LRFN5: variants seen among roughly 807,000 people sequenced by gnomAD.
LRFN5 encodes leucine-rich repeat and fibronectin type-III domain-containing protein 5.
A neutral mutation model predicts 45.6 loss-of-function variants in LRFN5; 24 were observed. That is an observed-to-expected ratio of 0.53 (90% CI 0.38 to 0.74). The LOEUF (loss-of-function observed/expected upper bound fraction) is 0.74. LRFN5 is among the 30% of genes least tolerant of loss of function. The pLI, the probability that LRFN5 is intolerant of heterozygous loss-of-function variation, is 0.00. For missense variants in LRFN5, 776 were observed against 861.5 expected (o/e 0.90, Z 1.24); for synonymous variants, 340 against 313.8 (o/e 1.08, Z -0.88).
chr14:41,903,410 G>A (rs74950781), intron 5 of LRFN5, among the ~76,000 whole-genome samples: 1 of 151,128 alleles, frequency 6.6e-6, no homozygotes, highest in African/African-American at 2.4e-5. Flanking sequence ...AAAATTACTT[G>A]TACTCATGTA....
intron 1 of LRFN5, among the ~76,000 whole-genome samples, chr14:41,724,257 T>C (rs542252735): frequency 6.6e-6 from 1 of 152,264 alleles, no homozygotes; most frequent in East Asian, 1.9e-4. Context: ...TCAAGTGGCA[T>C]GCTAAAATCC....
intron 2 of LRFN5, among the ~76,000 whole-genome samples, chr14:41,860,432 T>TA: frequency 2.0e-5 from 3 of 152,288 alleles, no homozygotes; most frequent in Admixed American, 2.0e-4. Context: ...AAAATAAATA[T>TA]AACCAAATAT....
At chr14:41,777,025 C>G (rs1886318004) in intron 2 of LRFN5, among the ~76,000 whole-genome samples, 2 of 151,498 alleles carry the variant, frequency 1.3e-5, no homozygotes, top group Non-Finnish European at 3.0e-5. Flanking sequence ...ATGGATATAT[C>G]TTGATTTTTC....
At chr14:41,752,776 C>A (rs528706639) in intron 1 of LRFN5, among the ~76,000 whole-genome samples, 2 of 152,244 alleles carry the variant, frequency 1.3e-5, no homozygotes, top group African/African-American at 4.8e-5. Context: ...TTAATTAGAT[C>A]CCATTTGTCA....
At chr14:41,745,645 A>AAAG (rs60346156) in intron 1 of LRFN5, among the ~76,000 whole-genome samples, 25,119 of 151,920 alleles carry the variant, frequency 0.17, 2,154 homozygotes, top group Admixed American at 0.19. Flanking sequence ...CTAAGAAAAA[A>AAAG]AGAGAAGATT....
chr14:41,891,183 A>T, intron 3 of LRFN5, 67 bp from the exon 4 acceptor site: 1 of 1,248,546 alleles, frequency 8.0e-7, no homozygotes, highest in Non-Finnish European at 1.2e-6. Flanking sequence ...AACTAAAGTC[A>T]TAATGACTTT....
intron 2 of LRFN5, among the ~76,000 whole-genome samples, chr14:41,821,711 G>T (rs1888118780): frequency 7.0e-6 from 1 of 142,530 alleles, no homozygotes; most frequent in Non-Finnish European, 1.5e-5. Flanking sequence ...ATTTGTACCA[G>T]TTGGTTGTAC....
In LRFN5 at chr14:41,810,269, T is replaced by C. The variant is rs140384910; in HGVS notation, c.-21+43240T>C. On this transcript the variant is annotated intron_variant, in intron 2 of 5. Coordinates refer to ENST00000298119, the MANE Select transcript of LRFN5 (RefSeq NM_152447.5). ...TTGCCTGAAGAGCTATAGGTAACAA[T>C]ACATTACTGCCTCATTGAGATCCAC... Among the ~76,000 whole-genome samples the C allele has an allele frequency of 7.2e-4, 110 of 152,176 alleles. 1 individual carries two copies. The East Asian group carries it at 0.019, about 26-fold the overall frequency.
chr14:41,760,743 A>G (rs565609167), intron 1 of LRFN5, among the ~76,000 whole-genome samples: 64 of 151,896 alleles, frequency 4.2e-4, no homozygotes, highest in African/African-American at 1.3e-3. Flanking sequence ...GAAAGAGGAA[A>G]CAGGGAGGGA....
chr14:41,892,968 G>T (rs1295188163), intron 4 of LRFN5: 7 of 985,086 alleles, frequency 7.1e-6, no homozygotes, highest in African/African-American at 7.0e-5. Context: ...TATCAAAGGG[G>T]TGTTTATTTT....
Position 41,904,443 on chromosome 14 carries a change from C to T in LRFN5, c.*268C>T. The T allele has an allele frequency of 2.5e-6, 1 of 404,668 alleles. No individual in the cohort carries two copies. The highest frequency in any genetic ancestry group is 4.4e-6 in the Non-Finnish European group (1 of 228,726). 25.1% of individuals were successfully genotyped at this position (404,668 alleles called of 1,614,324 possible). A position where few individuals can be genotyped will look rare whatever the true frequency, so the allele number is the denominator to read the frequency against. ...AAAGAAAAAAAGCCTACATTGGCAT[C>T]AAGTTCTGTATCAATCCATCTTACA... On this transcript the variant is annotated 3_prime_UTR_variant, in exon 6 of 6. Transcript: ENST00000298119.
At chr14:41,716,094 C>T (rs1349209067) in intron 1 of LRFN5, among the ~76,000 whole-genome samples, 1 of 152,150 alleles carries the variant, frequency 6.6e-6, no homozygotes, top group Non-Finnish European at 1.5e-5. Context: ...ACAACTGGAG[C>T]AGCTGGTACA....
At chr14:41,722,480 C>T (rs1445646592) in intron 1 of LRFN5, among the ~76,000 whole-genome samples, 1 of 151,924 alleles carries the variant, frequency 6.6e-6, no homozygotes, top group Non-Finnish European at 1.5e-5. Context: ...TATGTGGAGA[C>T]ACTAGAACTT....
chr14:41,881,719 GTTT>G (rs1890387248), intron 2 of LRFN5, among the ~76,000 whole-genome samples: 1 of 151,780 alleles, frequency 6.6e-6, no homozygotes, highest in African/African-American at 2.4e-5. Context: ...TCTGAATTTA[GTTT>G]TTTTCTATTG....
intron 1 of LRFN5, among the ~76,000 whole-genome samples, chr14:41,611,678 C>T (rs1887762877): frequency 6.6e-6 from 1 of 152,116 alleles, no homozygotes; most frequent in South Asian, 2.1e-4. Context: ...GAACACCAGC[C>T]TTCTGTTCTT....
intron 2 of LRFN5, among the ~76,000 whole-genome samples, chr14:41,875,529 A>G (rs1452699423): frequency 6.6e-6 from 1 of 152,232 alleles, no homozygotes; most frequent in Non-Finnish European, 1.5e-5. Flanking sequence ...GTGACAACTC[A>G]AGCTATACCA....
chr14:41,785,993 A>G (rs777671287), intron 2 of LRFN5, among the ~76,000 whole-genome samples: 2 of 151,996 alleles, frequency 1.3e-5, no homozygotes, highest in Admixed American at 1.3e-4. Flanking sequence ...AGAACAGGCC[A>G]CTGACTGGCA....
chr14:41,803,856 GTT>G (rs1382518469), intron 2 of LRFN5, among the ~76,000 whole-genome samples: 1 of 151,848 alleles, frequency 6.6e-6, no homozygotes, highest in African/African-American at 2.4e-5. Context: ...GAAAGCCAGA[GTT>G]TTTTTCATTT....
chr14:41,687,950 A>G (rs561564109), intron 1 of LRFN5, among the ~76,000 whole-genome samples: 1 of 152,230 alleles, frequency 6.6e-6, no homozygotes, highest in Non-Finnish European at 1.5e-5. Context: ...AAATAAATAA[A>G]AACAATAAAA....
Sources: gnomAD v4.1 joint callset for allele counts (sites outside exome capture counted in the v4.1 genomes callset) on GRCh38, gnomAD v4.1.1 for gene constraint, MANE v1.5 for transcripts, NCBI Gene and HGNC (gene_info 2026-07-23, HGNC 2026-07-21) for gene names.